IGF2BP3: variants seen among roughly 807,000 people sequenced by gnomAD.
IGF2BP3 encodes the protein insulin-like growth factor 2 mRNA-binding protein 3.
In IGF2BP3, 9 loss-of-function variants were observed where a neutral mutation model predicts 73.8. That is an observed-to-expected ratio of 0.12 (90% CI 0.07 to 0.21). The LOEUF (loss-of-function observed/expected upper bound fraction) is 0.21. Among genes scored for constraint, IGF2BP3 ranks in the 10% least tolerant of loss-of-function variants. IGF2BP3 has a pLI of 1.00. For missense variants in IGF2BP3, 542 were observed against 714.0 expected (o/e 0.76, Z 2.75); for synonymous variants, 258 against 256.7 (o/e 1.01, Z -0.05).
intron 3 of IGF2BP3, among the ~76,000 whole-genome samples, chr7:23,378,569 G>GTTTTTTTTTTTTTT (rs1156868701): frequency 4.6e-5 from 3 of 65,886 alleles, no homozygotes; most frequent in African/African-American, 7.2e-5. Flanking sequence ...ATTTTTGCTT[G>GTTTTTTTTTTTTTT]TTTTTTTTTT....
chr7:23,319,249 T>C lies in IGF2BP3; in HGVS notation c.1209A>G (p.Ser403=), dbSNP rs748073146. The change falls in exon 11 of 15, where the codon TCA becomes TCG. Residue 403 remains serine, a synonymous_variant. Transcript: ENST00000258729. Reference sequence around the variant, plus strand: ...TAAACAGATGAACAGTCTCCGTTTCTGATTGCTGTTAGAAAAGAAAGCCAG... The same window carrying C: ...TAAACAGATGAACAGTCTCCGTTTCCGATTGCTGTTAGAAAAGAAAGCCAG... ...MTPPYPQFEQ[S]ETETVHLFIP... The C allele has an allele frequency of 1.9e-6, 3 of 1,601,794 alleles. No homozygotes were observed. Among genetic ancestry groups the C allele is most frequent in the African/African-American group, 2.7e-5 (2 of 74,466 alleles).
chr7:23,393,242 G>A (rs932836317), intron 3 of IGF2BP3, among the ~76,000 whole-genome samples: 19 of 152,092 alleles, frequency 1.2e-4, no homozygotes, highest in Admixed American at 9.2e-4. Flanking sequence ...CTAGTACCAG[G>A]CAACGTGGTT....
intron 2 of IGF2BP3, among the ~76,000 whole-genome samples, chr7:23,440,383 C>A (rs1045077851): frequency 6.6e-5 from 10 of 152,190 alleles, no homozygotes; most frequent in Non-Finnish European, 8.8e-5. Context: ...TTGCAGTGAG[C>A]CGAGATCGTG....
intron 10 of IGF2BP3, among the ~76,000 whole-genome samples, chr7:23,325,822 TG>T: frequency 6.6e-6 from 1 of 152,232 alleles, no homozygotes; most frequent in Admixed American, 6.5e-5. Flanking sequence ...AAACAAGCAA[TG>T]GGGAAAGGAT....
At chr7:23,393,826 T>C (rs1223318857) in intron 3 of IGF2BP3, among the ~76,000 whole-genome samples, 2 of 152,164 alleles carry the variant, frequency 1.3e-5, no homozygotes, top group Non-Finnish European at 2.9e-5. Context: ...TAATCTAGGA[T>C]CAGTGAGAAG....
intron 3 of IGF2BP3, among the ~76,000 whole-genome samples, chr7:23,393,670 G>A (rs943557055): frequency 6.6e-6 from 1 of 152,192 alleles, no homozygotes; most frequent in Non-Finnish European, 1.5e-5. Flanking sequence ...TATTCTCAAA[G>A]GAGCTAAAAT....
chr7:23,375,310 G>T (rs1028248644), intron 3 of IGF2BP3, among the ~76,000 whole-genome samples: 3 of 152,064 alleles, frequency 2.0e-5, no homozygotes, highest in South Asian at 2.1e-4. Flanking sequence ...CTGCCACATG[G>T]AATTCAATAG....
chr7:23,453,299 T>A (rs952415578), intron 2 of IGF2BP3, among the ~76,000 whole-genome samples: 2 of 152,020 alleles, frequency 1.3e-5, no homozygotes, highest in African/African-American at 4.8e-5. Flanking sequence ...TTACAAAAAT[T>A]CCCCTTCTAC....
At chr7:23,376,048 T>C (rs1185792019) in intron 3 of IGF2BP3, among the ~76,000 whole-genome samples, 1 of 152,170 alleles carries the variant, frequency 6.6e-6, no homozygotes, top group East Asian at 1.9e-4. Context: ...AATACCACAC[T>C]ACATGAAAAC....
In IGF2BP3 at chr7:23,470,096, A is replaced by G; in HGVS notation, c.15T>C (p.Tyr5=). The change falls in exon 1 of 15, where the codon TAT becomes TAC. Residue 5 remains tyrosine (Y), a synonymous_variant. Coordinates refer to ENST00000258729, the MANE Select transcript of IGF2BP3 (RefSeq NM_006547.3). MNKL[Y]IGNLSENAAP... ...CGGCGTTCTCGCTGAGGTTTCCGAT[A>G]TACAGTTTGTTCATTGTGAAGAGTG... 1.2e-6 allele frequency: 2 copies of G among 1,607,528 alleles called. No individual in the cohort carries two copies. Among genetic ancestry groups the G allele is most frequent in the South Asian group, 1.1e-5 (1 of 90,266 alleles).
chr7:23,416,195 T>C (rs1787185190), intron 3 of IGF2BP3: 1 of 152,022 alleles, frequency 6.6e-6, no homozygotes, highest in African/African-American at 2.4e-5. Context: ...TAATTCCAAG[T>C]CTGACCTCAA....
intron 2 of IGF2BP3, among the ~76,000 whole-genome samples, chr7:23,456,570 G>A (rs1413560873): frequency 2.6e-5 from 4 of 152,202 alleles, no homozygotes; most frequent in African/African-American, 7.2e-5. Context: ...TTATATACAA[G>A]GGGCACAAAT....
At chr7:23,465,785 T>TC (rs1788553277) in intron 2 of IGF2BP3, among the ~76,000 whole-genome samples, 2 of 152,090 alleles carry the variant, frequency 1.3e-5, no homozygotes, top group African/African-American at 2.4e-5. Flanking sequence ...CACCCTAAAG[T>TC]CCAGCAGGCT....
intron 2 of IGF2BP3, among the ~76,000 whole-genome samples, chr7:23,422,206 T>C (rs1212101709): frequency 1.3e-5 from 2 of 152,166 alleles, no homozygotes; most frequent in Non-Finnish European, 2.9e-5. Flanking sequence ...TTCCCAAAAG[T>C]ACACATGTAA....
At chr7:23,317,089 A>T (rs1784011830) in intron 12 of IGF2BP3, among the ~76,000 whole-genome samples, 1 of 152,250 alleles carries the variant, frequency 6.6e-6, no homozygotes, top group South Asian at 2.1e-4. Flanking sequence ...CTCTCAGTAG[A>T]CATTGAAAGG....
At chr7:23,447,149 C>T (rs376061746) in intron 2 of IGF2BP3, among the ~76,000 whole-genome samples, 3 of 151,358 alleles carry the variant, frequency 2.0e-5, no homozygotes, top group Non-Finnish European at 4.4e-5. Context: ...TGCAGTGAGC[C>T]GAGATCGCGC....
At chr7:23,387,106 A>T (rs995950543) in intron 3 of IGF2BP3, among the ~76,000 whole-genome samples, 6 of 151,506 alleles carry the variant, frequency 4.0e-5, no homozygotes, top group African/African-American at 1.2e-4. Flanking sequence ...GGAAGGAAGG[A>T]AGGTAGGTAG....
At chr7:23,353,818 T>C (rs968989574) in intron 5 of IGF2BP3, among the ~76,000 whole-genome samples, 1 of 152,230 alleles carries the variant, frequency 6.6e-6, no homozygotes, top group African/African-American at 2.4e-5. Context: ...ACGCTGTACT[T>C]TCCTCCTGTC....
chr7:23,377,892 T>C (rs1353959737), intron 3 of IGF2BP3, among the ~76,000 whole-genome samples: 1 of 152,108 alleles, frequency 6.6e-6, no homozygotes, highest in Non-Finnish European at 1.5e-5. Context: ...ATGTCCACAA[T>C]AGGCAAAGCT....
Sources: gnomAD v4.1 joint callset for allele counts (sites outside exome capture counted in the v4.1 genomes callset) on GRCh38, gnomAD v4.1.1 for gene constraint, MANE v1.5 for transcripts, NCBI Gene and HGNC (gene_info 2026-07-23, HGNC 2026-07-21) for gene names.